LRP1B: variants seen among roughly 807,000 people sequenced by gnomAD.
LRP1B encodes low-density lipoprotein receptor-related protein 1B.
Under a neutral mutation model 556.6 loss-of-function variants are expected in LRP1B, and 217 were observed. That is an observed-to-expected ratio of 0.39 (90% CI 0.35 to 0.44). LRP1B has a LOEUF of 0.44. LRP1B is among the 20% of genes least tolerant of loss of function. LRP1B has a pLI of 1.00. For synonymous variants in LRP1B, 2,047 were observed against 1,865.8 expected (o/e 1.10, Z -2.50); for missense variants, 5,053 against 5,620.8 (o/e 0.90, Z 3.23).
chr2:141,962,202 A>C (rs764492947), intron 1 of LRP1B, among the ~76,000 whole-genome samples: 4 of 151,756 alleles, frequency 2.6e-5, no homozygotes, highest in African/African-American at 4.8e-5. Flanking sequence ...TGAAGTAACA[A>C]GGATATTCAT....
At chr2:140,617,764 T>A (rs1399313287) in intron 41 of LRP1B, among the ~76,000 whole-genome samples, 1 of 152,082 alleles carries the variant, frequency 6.6e-6, no homozygotes, top group Non-Finnish European at 1.5e-5. Context: ...AAGTAAGTTC[T>A]ATTTTGAGAA....
At position 142,130,784 on chromosome 2, in the gene LRP1B, C is replaced by T; in HGVS notation, c.-55G>A. ...GGAGACTGCTCGGCGGCACCTTCGG[C>T]CCGGCGGCGGCGGCGGCGGCAGGGG... On this transcript the variant is annotated 5_prime_UTR_variant, in exon 1 of 91. Coordinates refer to ENST00000389484, the MANE Select transcript of LRP1B (RefSeq NM_018557.3). 5 of 1,509,170 alleles carry T rather than the reference C, an allele frequency of 3.3e-6. No individual in the cohort carries two copies. The highest frequency in any genetic ancestry group is 4.6e-6 in the Non-Finnish European group (5 of 1,098,294). The allele number at this position is 1,509,170 out of a possible 1,614,324, so 93.5% of individuals were successfully genotyped here. A position where few individuals can be genotyped will look rare whatever the true frequency, so the allele number is the denominator to read the frequency against.
chr2:140,984,230 A>C (rs2105346296), intron 17 of LRP1B, among the ~76,000 whole-genome samples: 1 of 152,044 alleles, frequency 6.6e-6, no homozygotes, highest in East Asian at 1.9e-4. Context: ...TTTTAAGAGA[A>C]ATTTAATAAC....
chr2:141,421,502 C>T (rs1680142858), intron 3 of LRP1B, among the ~76,000 whole-genome samples: 1 of 140,220 alleles, frequency 7.1e-6, no homozygotes, highest in African/African-American at 2.7e-5. Context: ...GCACTCCAGC[C>T]TGGGCGACAG....
chr2:140,293,654 A>G (rs1322880955), intron 84 of LRP1B, among the ~76,000 whole-genome samples: 6 of 152,190 alleles, frequency 3.9e-5, no homozygotes, highest in Non-Finnish European at 8.8e-5. Flanking sequence ...TTGACAGAAC[A>G]CCAGGTCCAC....
At chr2:140,256,372 T>C (rs1681679202) in intron 86 of LRP1B, among the ~76,000 whole-genome samples, 1 of 149,868 alleles carries the variant, frequency 6.7e-6, no homozygotes, top group African/African-American at 2.4e-5. Flanking sequence ...AGTCTCCCCC[T>C]TAAATCTCTC....
At chr2:141,658,499 C>T (rs1435325494) in intron 2 of LRP1B, among the ~76,000 whole-genome samples, 1 of 152,094 alleles carries the variant, frequency 6.6e-6, no homozygotes, top group Admixed American at 6.5e-5. Context: ...CCTTGTTGTC[C>T]CTGAGAGACA....
chr2:141,455,840 G>A (rs1228082962), intron 3 of LRP1B, among the ~76,000 whole-genome samples: 5 of 152,168 alleles, frequency 3.3e-5, no homozygotes, highest in Non-Finnish European at 2.9e-5. Flanking sequence ...ATTTCATCAA[G>A]ATATTATCTA....
chr2:141,320,743 C>T (rs1221409417), intron 3 of LRP1B, among the ~76,000 whole-genome samples: 1 of 152,112 alleles, frequency 6.6e-6, no homozygotes, highest in Admixed American at 6.6e-5. Context: ...ATTCTCTTGA[C>T]ATTCTACTTA....
chr2:140,562,278 C>T (rs1166300198), intron 43 of LRP1B, among the ~76,000 whole-genome samples: 1 of 152,098 alleles, frequency 6.6e-6, no homozygotes, highest in Non-Finnish European at 1.5e-5. Flanking sequence ...AATTAAGGAA[C>T]CATTATTCGA....
intron 83 of LRP1B, among the ~76,000 whole-genome samples, chr2:140,300,085 T>C (rs2105005526): frequency 6.6e-6 from 1 of 152,296 alleles, no homozygotes; most frequent in South Asian, 2.1e-4. Flanking sequence ...TTCATGGTTT[T>C]GTCTCATTTA....
chr2:141,022,279 T>C (rs1698086752), intron 11 of LRP1B, among the ~76,000 whole-genome samples: 1 of 149,216 alleles, frequency 6.7e-6, no homozygotes, highest in South Asian at 2.2e-4. Flanking sequence ...TTGTTTTCTG[T>C]TTGTGCTTTG....
At chr2:141,797,206 G>A (rs571839205) in intron 2 of LRP1B, among the ~76,000 whole-genome samples, 1 of 125,656 alleles carries the variant, frequency 8.0e-6, no homozygotes, top group Non-Finnish European at 1.7e-5. Flanking sequence ...TATCTTCAGG[G>A]AATTCAAGTG....
At chr2:140,492,923 C>A (rs1688763675) in intron 56 of LRP1B, among the ~76,000 whole-genome samples, 1 of 152,154 alleles carries the variant, frequency 6.6e-6, no homozygotes, top group South Asian at 2.1e-4. Flanking sequence ...TCCCTTGCTT[C>A]CTCTCAATAT....
chr2:140,273,687 G>A (rs1475443621), intron 85 of LRP1B, among the ~76,000 whole-genome samples: 1 of 151,986 alleles, frequency 6.6e-6, no homozygotes, highest in Non-Finnish European at 1.5e-5. Context: ...AAGTGATAGA[G>A]TCCAGTTCTT....
intron 3 of LRP1B, among the ~76,000 whole-genome samples, chr2:141,448,879 A>T (rs536286969): frequency 6.6e-6 from 1 of 152,310 alleles, no homozygotes; most frequent in South Asian, 2.1e-4. Flanking sequence ...ACACATTCTT[A>T]AGAAGTTTCC....
intron 35 of LRP1B, among the ~76,000 whole-genome samples, chr2:140,766,859 T>TATATATATATATATAATATATATATATA (rs1689137196): frequency 2.0e-5 from 1 of 50,208 alleles, no homozygotes; most frequent in Non-Finnish European, 5.6e-5. Flanking sequence ...TATATATATA[T>TATATATATATATATAATATATATATATA]ATATATAATA....
Position 140,509,998 on chromosome 2 carries a change from G to C in LRP1B, c.8328C>G (p.Pro2776=). 2.5e-6 allele frequency: 4 copies of C among 1,613,956 alleles called. No individual in the cohort carries two copies. Among genetic ancestry groups the C allele is most frequent in the Non-Finnish European group, 3.4e-6 (4 of 1,180,022 alleles). The change falls in exon 52 of 91, where the codon CCC becomes CCG. Residue 2776 remains proline, a synonymous_variant. Coordinates refer to ENST00000389484, the MANE Select transcript of LRP1B (RefSeq NM_018557.3). ...FSCQGSRACV[P]RHWLCDGERD... The stretch of plus-strand genomic sequence containing the variant: ...TTTCACCATCACAAAGCCAATGTCG[G>C]GGCACGCAGGCACGAGAGCCCTGGC...
chr2:141,463,550 T>TATATATA (rs1410253671), intron 3 of LRP1B, among the ~76,000 whole-genome samples: 22 of 17,550 alleles, frequency 1.3e-3, no homozygotes, highest in African/African-American at 3.0e-3. Flanking sequence ...TATATATAAT[T>TATATATA]ATATATAATA....
Sources: gnomAD v4.1 joint callset for allele counts (sites outside exome capture counted in the v4.1 genomes callset) on GRCh38, gnomAD v4.1.1 for gene constraint, MANE v1.5 for transcripts, NCBI Gene and HGNC (gene_info 2026-07-23, HGNC 2026-07-21) for gene names.